Variants in PAK5 observed in about 807,000 individuals in gnomAD.
PAK5 encodes serine/threonine-protein kinase PAK 5.
In PAK5, 16 loss-of-function variants were observed where a neutral mutation model predicts 65.9. That is an observed-to-expected ratio of 0.24 (90% confidence interval 0.16 to 0.37). The LOEUF (loss-of-function observed/expected upper bound fraction) is 0.37. Ranked by LOEUF, PAK5 falls within the 10% of genes least tolerant of loss-of-function variation. The probability of loss-of-function intolerance (pLI) is 1.00; values close to 1 mark genes in which losing one functional copy is unlikely to be tolerated. For synonymous variants in PAK5, 371 were observed against 354.9 expected (o/e 1.05, Z -0.51); for missense variants, 785 against 903.9 (o/e 0.87, Z 1.69).
intron 2 of PAK5, among the ~76,000 whole-genome samples, 169 bp downstream of exon 2, chr20:9,711,117 C>A (rs907303292): frequency 6.6e-6 from 1 of 152,156 alleles, no homozygotes; most frequent in African/African-American, 2.4e-5. Context: ...TTCTGTAAGG[C>A]CATAAGCTTG....
chr20:9,603,742 C>T (rs2046401482), intron 3 of PAK5, among the ~76,000 whole-genome samples: 1 of 152,152 alleles, frequency 6.6e-6, no homozygotes, highest in Admixed American at 6.5e-5. Flanking sequence ...AGTGCCTGCT[C>T]TCCCTCTCTG....
rs144922243 is a variant in PAK5 at position 9,826,753 on chromosome 20, G to A, written c.-162+12009C>T. Among the ~76,000 whole-genome samples the A allele has an allele frequency of 1.6e-3, 248 of 152,220 alleles. 1 individual carries two copies. Among genetic ancestry groups the A allele is most frequent in the African/African-American group, 5.6e-3 (233 of 41,536 alleles). ...CTGTTGCTATGGAAACATTGGTGCC[G>A]AAGACTTGGGCAGAACCATATAAAA... On this transcript the variant is annotated intron_variant, in intron 1 of 9. Coordinates refer to ENST00000353224, the MANE Select transcript of PAK5 (RefSeq NM_177990.4).
rs117650724 is a variant in PAK5 at position 9,760,602 on chromosome 20, G to C, written c.-161-49167C>G. ...GAAAAAAAAAAAAAAATGTATATTTGAGTTTAGCTTCTTTTTGAAGTTCAT... is the reference window on the plus strand; with the variant it reads ...GAAAAAAAAAAAAAAATGTATATTTCAGTTTAGCTTCTTTTTGAAGTTCAT... On this transcript the variant is annotated intron_variant, in intron 1 of 9. Transcript: ENST00000353224. 9.7e-3 allele frequency among the ~76,000 whole-genome samples: 1,452 copies of C among 149,124 alleles called. 13 individuals carry two copies. The highest frequency in any genetic ancestry group is 0.015 in the Non-Finnish European group (1,020 of 67,376).
chr20:9,654,434 G>A (rs1043804564), intron 2 of PAK5, among the ~76,000 whole-genome samples: 4 of 152,086 alleles, frequency 2.6e-5, no homozygotes, highest in East Asian at 1.9e-4. Flanking sequence ...GGATGATGAC[G>A]TCTTGCTGGA....
intron 3 of PAK5, among the ~76,000 whole-genome samples, chr20:9,634,608 A>T (rs2046961984): frequency 6.6e-6 from 1 of 152,254 alleles, no homozygotes; most frequent in African/African-American, 2.4e-5. Context: ...ACATCAAAAA[A>T]TAACCACATT....
intron 1 of PAK5, among the ~76,000 whole-genome samples, chr20:9,766,256 G>GCTCTAATTGAATATATATATA (rs1569078866): frequency 0.23 from 12,678 of 54,354 alleles, 2,009 homozygotes; most frequent in East Asian, 0.27. Flanking sequence ...ATATATATAT[G>GCTCTAATTGAATATATATATA]TTCTAATTGA....
chr20:9,614,763 T>C (rs1041246494), intron 3 of PAK5, among the ~76,000 whole-genome samples: 13 of 152,232 alleles, frequency 8.5e-5, no homozygotes, highest in African/African-American at 2.9e-4. Context: ...CTTAAAGGCT[T>C]TCTCAGACAA....
intron 3 of PAK5, among the ~76,000 whole-genome samples, chr20:9,606,312 G>A (rs544940688): frequency 3.3e-5 from 5 of 152,106 alleles, no homozygotes; most frequent in African/African-American, 1.2e-4. Context: ...GTTTTCTGAG[G>A]CCTCCCCAGA....
At chr20:9,805,094 T>C (rs1162733226) in intron 1 of PAK5, among the ~76,000 whole-genome samples, 5 of 152,100 alleles carry the variant, frequency 3.3e-5, no homozygotes, top group Non-Finnish European at 7.4e-5. Flanking sequence ...CCCAAAAAAA[T>C]ACAAATGGCC....
At chr20:9,544,218 T>G (rs906917847) in intron 8 of PAK5, 151 bp downstream of exon 8, 13 of 835,014 alleles carry the variant, frequency 1.6e-5, no homozygotes, top group Non-Finnish European at 2.3e-5. Context: ...TGCCACAGCC[T>G]ATCTACTCTG....
At chr20:9,738,440 A>G (rs2048415520) in intron 1 of PAK5, among the ~76,000 whole-genome samples, 2 of 152,202 alleles carry the variant, frequency 1.3e-5, no homozygotes, top group African/African-American at 4.8e-5. Context: ...GTGAATGTAT[A>G]AACAACTTGT....
Position 9,802,916 on chromosome 20 carries a change from A to G in PAK5, c.-162+35846T>C, listed in dbSNP as rs1388845967. On this transcript the variant is annotated intron_variant, in intron 1 of 9. Coordinates refer to ENST00000353224, the MANE Select transcript of PAK5 (RefSeq NM_177990.4). ...TACTATTGTATATGTATGTGTATATATATATATATATATATATGAATTACT... is the reference window on the plus strand; with the variant it reads ...TACTATTGTATATGTATGTGTATATGTATATATATATATATATGAATTACT... 1.2e-3 allele frequency among the ~76,000 whole-genome samples: 149 copies of G among 120,102 alleles called. 1 individual carries two copies. The highest frequency in any genetic ancestry group is 3.4e-3 in the African/African-American group (102 of 30,428). The allele number at this position is 120,102 out of a possible 152,430, so 78.8% of individuals were successfully genotyped here. A position where few individuals can be genotyped will look rare whatever the true frequency, so the allele number is the denominator to read the frequency against.
At chr20:9,761,458 C>T (rs1398326246) in intron 1 of PAK5, among the ~76,000 whole-genome samples, 2 of 152,082 alleles carry the variant, frequency 1.3e-5, no homozygotes, top group Admixed American at 6.5e-5. Flanking sequence ...TCATTCTACC[C>T]TGCACAATCT....
chr20:9,712,358 GTAGAAAAGGAC>G (rs2123490471), intron 1 of PAK5, among the ~76,000 whole-genome samples: 1 of 152,172 alleles, frequency 6.6e-6, no homozygotes, highest in South Asian at 2.1e-4. Context: ...TATAGATAGG[GTAGAAAAGGAC>G]TACATACAGA....
chr20:9,743,659 A>G (rs2048475456), intron 1 of PAK5, among the ~76,000 whole-genome samples: 1 of 152,188 alleles, frequency 6.6e-6, no homozygotes, highest in Non-Finnish European at 1.5e-5. Context: ...GCTAGTTATC[A>G]GTGACATTTC....
chr20:9,687,904 T>C (rs1431298927), intron 2 of PAK5, among the ~76,000 whole-genome samples: 3 of 151,756 alleles, frequency 2.0e-5, no homozygotes, highest in African/African-American at 4.8e-5. Context: ...TGTGTGTGTG[T>C]GTGTGTGTGT....
At chr20:9,553,658 C>T (rs1257756950) in intron 7 of PAK5, among the ~76,000 whole-genome samples, 1 of 151,752 alleles carries the variant, frequency 6.6e-6, no homozygotes, top group Admixed American at 6.6e-5. Context: ...CTGAGGTTCA[C>T]CCAAGTTCTC....
chr20:9,634,397 T>C (rs758095898), intron 3 of PAK5, among the ~76,000 whole-genome samples: 1 of 152,226 alleles, frequency 6.6e-6, no homozygotes, highest in Non-Finnish European at 1.5e-5. Context: ...AACATCAGCT[T>C]TTGTTTTTAG....
intron 2 of PAK5, among the ~76,000 whole-genome samples, chr20:9,684,436 C>A (rs940126664): frequency 1.3e-5 from 2 of 152,164 alleles, no homozygotes; most frequent in African/African-American, 4.8e-5. Context: ...ATATGAAAGT[C>A]AAGCCATGAA....
Sources: gnomAD v4.1 joint callset for allele counts (sites outside exome capture counted in the v4.1 genomes callset) on GRCh38, gnomAD v4.1.1 for gene constraint, MANE v1.5 for transcripts, NCBI Gene and HGNC (gene_info 2026-07-23, HGNC 2026-07-21) for gene names.